ARHGAP22: variants seen among roughly 807,000 people sequenced by gnomAD.
ARHGAP22 encodes Rho GTPase activating protein 22.
Under a neutral mutation model 59.1 loss-of-function variants are expected in ARHGAP22, and 48 were observed. That is an observed-to-expected ratio of 0.81 (90% CI 0.64 to 1.03). The LOEUF (loss-of-function observed/expected upper bound fraction) is 1.03. Ranked by LOEUF, ARHGAP22 falls within the 50% of genes least tolerant of loss-of-function variation. The probability of loss-of-function intolerance (pLI) is 0.00; values close to 1 mark genes in which losing one functional copy is unlikely to be tolerated. For synonymous variants in ARHGAP22, 445 were observed against 416.4 expected, an observed-to-expected ratio of 1.07 and a Z score of -0.84; for missense variants, 1,015 against 958.7, an observed-to-expected ratio of 1.06 and a Z score of -0.78.
intron 1 of ARHGAP22, among the ~76,000 whole-genome samples, chr10:48,631,655 T>C (rs565600279): frequency 1.1e-4 from 16 of 152,208 alleles, no homozygotes; most frequent in South Asian, 2.1e-4. Flanking sequence ...GTATTCCCAG[T>C]TCCTCCATCC....
At chr10:48,642,753 T>G (rs2062104969) in intron 1 of ARHGAP22, among the ~76,000 whole-genome samples, 1 of 152,044 alleles carries the variant, frequency 6.6e-6, no homozygotes, top group Non-Finnish European at 1.5e-5. Context: ...CTAATTAAAC[T>G]AAAGAGCTCC....
chr10:48,448,423 G>A (rs1376474400), intron 9 of ARHGAP22, among the ~76,000 whole-genome samples: 2 of 152,234 alleles, frequency 1.3e-5, no homozygotes, highest in South Asian at 2.1e-4. Flanking sequence ...TAAGAATGGG[G>A]ACAGAGATTT....
rs1193500559 is a variant in ARHGAP22, at chr10:48,450,336, G to T, written c.1793C>A (p.Ala598Asp). The T allele has an allele frequency of 6.3e-7, 1 of 1,599,792 alleles. No homozygotes were observed. Among genetic ancestry groups the T allele is most frequent in the Admixed American group, 1.7e-5 (1 of 58,530 alleles). Residue 598 changes from alanine to aspartate, a missense_variant, in exon 9 of 10, where the codon GCC (alanine) becomes GAC (aspartate). Physicochemically the swap from Ala to Asp is moderately radical, Grantham distance 126. Coordinates refer to ENST00000249601, the MANE Select transcript of ARHGAP22 (RefSeq NM_021226.4). ...GAGCTCAGTGACCAGCCCCTGTAAG[G>T]CCTCGGAGCGGCGCGCGTGTTCCCG... The part of the protein sequence containing the change: ...PTREHARRSE[A>D]LQGLVTELRA...
chr10:48,432,021 G>C, the ARHGAP22 span, among the ~76,000 whole-genome samples: 1 of 152,168 alleles, frequency 6.6e-6, no homozygotes, highest in Non-Finnish European at 1.5e-5. Flanking sequence ...CTATTATGTA[G>C]ATGAACTAAT....
At chr10:48,547,286 C>T (rs1435085823) in intron 3 of ARHGAP22, among the ~76,000 whole-genome samples, 1 of 152,232 alleles carries the variant, frequency 6.6e-6, no homozygotes, top group African/African-American at 2.4e-5. Flanking sequence ...CCATGGGACA[C>T]AATGCTAGCT....
chr10:48,448,212 C>G (rs1484882733), intron 9 of ARHGAP22, among the ~76,000 whole-genome samples: 1 of 152,206 alleles, frequency 6.6e-6, no homozygotes, highest in African/African-American at 2.4e-5. Flanking sequence ...CCCTGACTCT[C>G]CCCCACTACA....
intron 1 of ARHGAP22, among the ~76,000 whole-genome samples, chr10:48,587,972 G>A (rs1475259814): frequency 6.6e-6 from 1 of 152,228 alleles, no homozygotes; most frequent in South Asian, 2.1e-4. Flanking sequence ...CCCCAAGAAG[G>A]GTGAGCTCCC....
upstream of ARHGAP22, among the ~76,000 whole-genome samples, chr10:48,655,256 T>TG (rs1230624457): frequency 2.4e-3 from 24 of 9,908 alleles, no homozygotes; most frequent in South Asian, 0.018. Context: ...TGTGTGTGTG[T>TG]GGGGGGGGGG....
In ARHGAP22 at chr10:48,537,199, C is replaced by T. The variant is rs541081749; in HGVS notation, c.322+18264G>A. ...CCACATTCCTTCAGGGCAGCCCTTG[C>T]GGGGTGGCTGGTCTTGCAGCTCTGC... On this transcript the variant is annotated intron_variant, in intron 3 of 9. Coordinates refer to ENST00000249601, the MANE Select transcript of ARHGAP22 (RefSeq NM_021226.4). Among the ~76,000 whole-genome samples the T allele has an allele frequency of 8.5e-5, 13 of 152,316 alleles. No homozygotes were observed. In the East Asian group the frequency reaches 9.6e-4, roughly 11 times the overall value.
intron 3 of ARHGAP22, among the ~76,000 whole-genome samples, chr10:48,490,312 G>A (rs1019757065): frequency 1.3e-5 from 2 of 152,122 alleles, no homozygotes; most frequent in African/African-American, 2.4e-5. Flanking sequence ...CTGACATGTT[G>A]GGTGAGATCA....
At chr10:48,565,254 G>C (rs541075781) in intron 2 of ARHGAP22, among the ~76,000 whole-genome samples, 1 of 152,178 alleles carries the variant, frequency 6.6e-6, no homozygotes, top group East Asian at 1.9e-4. Flanking sequence ...CTCCCTCACA[G>C]ATCTCTGAGA....
intron 4 of ARHGAP22, 56 bp from the exon 5 acceptor site, chr10:48,459,947 C>T: frequency 1.3e-6 from 2 of 1,545,380 alleles, no homozygotes; most frequent in Non-Finnish European, 1.8e-6. Context: ...GTGTTGGGTG[C>T]TCAGGACAAT....
At chr10:48,552,467 GC>G (rs945052132) in intron 3 of ARHGAP22, among the ~76,000 whole-genome samples, 2 of 152,218 alleles carry the variant, frequency 1.3e-5, no homozygotes, top group Non-Finnish European at 2.9e-5. Flanking sequence ...AGATGCACTT[GC>G]CACCCTTCAC....
At chr10:48,620,579 C>T (rs2061250491) in intron 1 of ARHGAP22, among the ~76,000 whole-genome samples, 1 of 152,326 alleles carries the variant, frequency 6.6e-6, no homozygotes, top group South Asian at 2.1e-4. Context: ...CTATCCAGCT[C>T]TTCTGCTCAG....
At chr10:48,578,524 ATGTGTGTGTGTGTGTG>A (rs3076347) in intron 2 of ARHGAP22, among the ~76,000 whole-genome samples, 1 of 150,070 alleles carries the variant, frequency 6.7e-6, no homozygotes, top group Non-Finnish European at 1.5e-5. Context: ...TATGCAGTGT[ATGTGTGTGTGTGTGTG>A]TGTGTGTGTG....
At chr10:48,465,249 G>A (rs1456196156) in intron 4 of ARHGAP22, among the ~76,000 whole-genome samples, 1 of 152,226 alleles carries the variant, frequency 6.6e-6, no homozygotes, top group Non-Finnish European at 1.5e-5. Flanking sequence ...CTCTGCCACC[G>A]CAGGGGAAAC....
chr10:48,616,272 A>C (rs1353633169), intron 1 of ARHGAP22, among the ~76,000 whole-genome samples: 1 of 152,088 alleles, frequency 6.6e-6, no homozygotes, highest in African/African-American at 2.4e-5. Flanking sequence ...GATAACTTCC[A>C]TTTGCACCGG....
upstream of ARHGAP22, among the ~76,000 whole-genome samples, chr10:48,653,741 C>A (rs2062649913): frequency 6.6e-6 from 1 of 152,250 alleles, no homozygotes; most frequent in Admixed American, 6.5e-5. Flanking sequence ...TGAGAGGAAG[C>A]AGCCCATCCC....
intron 3 of ARHGAP22, 65 bp downstream of exon 3, chr10:48,555,398 T>C (rs1412944857): frequency 3.3e-6 from 5 of 1,521,652 alleles, no homozygotes; most frequent in Non-Finnish European, 4.5e-6. Context: ...GGTCTGCCCT[T>C]CCCAGGCCAG....
Sources: allele counts gnomAD v4.1 joint callset (sites outside exome capture counted in the v4.1 genomes callset), GRCh38; gene constraint gnomAD v4.1.1; transcripts MANE v1.5; gene names NCBI Gene and HGNC (gene_info 2026-07-23, HGNC 2026-07-21).